RBFOX3: variants seen among roughly 807,000 people sequenced by gnomAD.
RBFOX3 encodes RNA binding protein fox-1 homolog 3.
RBFOX3 carries 17 observed loss-of-function variants against 48.7 expected under a neutral mutation model. The observed-to-expected ratio is 0.35, with a 90% CI of 0.24 to 0.52. RBFOX3 has a LOEUF of 0.52. RBFOX3 is among the 20% of genes least tolerant of loss of function. The probability of loss-of-function intolerance (pLI) is 0.94; values close to 1 mark genes in which losing one functional copy is unlikely to be tolerated. For synonymous variants in RBFOX3, 212 were observed against 209.5 expected, an observed-to-expected ratio of 1.01 and a Z score of -0.10; for missense variants, 382 against 497.5, an observed-to-expected ratio of 0.77 and a Z score of 2.21.
intron 2 of RBFOX3, among the ~76,000 whole-genome samples, chr17:79,474,912 A>G (rs913250864): frequency 5.9e-4 from 89 of 151,542 alleles, no homozygotes; most frequent in Non-Finnish European, 9.4e-4. Flanking sequence ...TTTCCTTCCA[A>G]TTCATTCCTT....
chr17:79,405,125 C>A (rs1352141591), intron 2 of RBFOX3, among the ~76,000 whole-genome samples: 1 of 152,148 alleles, frequency 6.6e-6, no homozygotes, highest in African/African-American at 2.4e-5. Flanking sequence ...CTGATTTTCC[C>A]CCAACATTTT....
intron 4 of RBFOX3, among the ~76,000 whole-genome samples, chr17:79,225,198 G>C (rs2060170618): frequency 6.6e-6 from 1 of 151,738 alleles, no homozygotes; most frequent in Non-Finnish European, 1.5e-5. Context: ...TCCCTCTTTG[G>C]AAAGTTCGGC....
upstream of RBFOX3, among the ~76,000 whole-genome samples, chr17:79,611,138 C>T (rs1308232877): frequency 7.8e-5 from 2 of 25,800 alleles, no homozygotes; most frequent in Non-Finnish European, 1.1e-4. Flanking sequence ...CCTTCTCTCT[C>T]TCTCTCTCTC....
chr17:79,411,738 T>C (rs2064373780), intron 2 of RBFOX3, among the ~76,000 whole-genome samples: 1 of 152,244 alleles, frequency 6.6e-6, no homozygotes, highest in South Asian at 2.1e-4. Context: ...GCAATGGTTG[T>C]TCTAGAGCAC....
At chr17:79,446,267 C>G (rs552891300) in intron 2 of RBFOX3, among the ~76,000 whole-genome samples, 2 of 152,170 alleles carry the variant, frequency 1.3e-5, no homozygotes, top group Admixed American at 6.5e-5. Flanking sequence ...GGATTCCACA[C>G]GTCCAAAAAT....
chr17:79,132,622 G>C (rs866235197), intron 4 of RBFOX3: 56 of 152,310 alleles, frequency 3.7e-4, no homozygotes, highest in African/African-American at 1.3e-3. Flanking sequence ...AGGGTGTCGC[G>C]GTCCTCTCTC....
intron 3 of RBFOX3, among the ~76,000 whole-genome samples, chr17:79,257,902 G>GA (rs577971400): frequency 1.3e-4 from 20 of 149,642 alleles, no homozygotes; most frequent in Admixed American, 8.6e-4. Flanking sequence ...TTTGTTTTGG[G>GA]AAAAAAAAAT....
intron 2 of RBFOX3, among the ~76,000 whole-genome samples, chr17:79,339,205 C>A (rs983821280): frequency 6.6e-6 from 1 of 152,082 alleles, no homozygotes; most frequent in East Asian, 1.9e-4. Context: ...CAGGCATGCA[C>A]CACCACACTC....
At chr17:79,478,158 T>C (rs1193994929) in intron 2 of RBFOX3, among the ~76,000 whole-genome samples, 1 of 152,202 alleles carries the variant, frequency 6.6e-6, no homozygotes, top group Non-Finnish European at 1.5e-5. Flanking sequence ...AAGGGTGCCA[T>C]GCTCCCCGTG....
chr17:79,143,691 G>A lies in RBFOX3; in HGVS notation c.-33-27943C>T, dbSNP rs566617211. Among the ~76,000 whole-genome samples the A allele has an allele frequency of 6.6e-5, 10 of 152,274 alleles. No homozygotes were observed. In the East Asian group the frequency reaches 9.6e-4, roughly 15 times the overall value. ...AGGGACAGGAACGGGGTAGGGGACC[G>A]TCGTCCTCCAGCACAGGCCCCCACA... On this transcript the variant is annotated intron_variant, in intron 4 of 14. Coordinates refer to ENST00000693108, the MANE Select transcript of RBFOX3 (RefSeq NM_001350451.2).
At chr17:79,648,586 C>A in the RBFOX3 span, among the ~76,000 whole-genome samples, 2 of 152,230 alleles carry the variant, frequency 1.3e-5, no homozygotes, top group African/African-American at 2.4e-5. Flanking sequence ...ACTCTGTCAT[C>A]CCTCCACAGG....
chr17:79,112,766 C>T (rs541494747), intron 5 of RBFOX3, among the ~76,000 whole-genome samples: 1 of 152,038 alleles, frequency 6.6e-6, no homozygotes, highest in Non-Finnish European at 1.5e-5. Context: ...GCCAGGGCAG[C>T]CCATGCTCAC....
intron 2 of RBFOX3, among the ~76,000 whole-genome samples, chr17:79,410,316 G>C (rs2064126645): frequency 6.6e-6 from 1 of 152,194 alleles, no homozygotes; most frequent in Admixed American, 6.5e-5. Context: ...TTTCAGGCTG[G>C]TTCTCGTCTC....
intron 2 of RBFOX3, among the ~76,000 whole-genome samples, chr17:79,344,175 C>T (rs1014321724): frequency 6.6e-6 from 1 of 152,108 alleles, no homozygotes; most frequent in Non-Finnish European, 1.5e-5. Context: ...GTTCTATGTC[C>T]CGGGTCCTGA....
At chr17:79,168,622 G>A (rs952450641) in intron 4 of RBFOX3, among the ~76,000 whole-genome samples, 3 of 152,192 alleles carry the variant, frequency 2.0e-5, no homozygotes, top group Non-Finnish European at 2.9e-5. Context: ...AGGTGTGGGC[G>A]GCCTGGCCCG....
intron 1 of RBFOX3, among the ~76,000 whole-genome samples, chr17:79,577,419 CA>C (rs1276637235): frequency 6.6e-6 from 1 of 152,092 alleles, no homozygotes; most frequent in Admixed American, 6.5e-5. Context: ...CTCAATTCGG[CA>C]GGGGAAATGC....
At chr17:79,573,254 A>G (rs2092740516) in intron 1 of RBFOX3, among the ~76,000 whole-genome samples, 1 of 152,174 alleles carries the variant, frequency 6.6e-6, no homozygotes, top group African/African-American at 2.4e-5. Flanking sequence ...AGACAGATGA[A>G]AAGGAGAGAA....
chr17:79,611,296 A>T (rs1189172862), upstream of RBFOX3, among the ~76,000 whole-genome samples: 4 of 137,076 alleles, frequency 2.9e-5, no homozygotes, highest in South Asian at 2.1e-4. Flanking sequence ...GCTCGAGCGG[A>T]GCGCGCAGCG....
intron 4 of RBFOX3, among the ~76,000 whole-genome samples, chr17:79,167,194 A>G (rs2145570902): frequency 6.6e-6 from 1 of 152,316 alleles, no homozygotes; most frequent in South Asian, 2.1e-4. Context: ...AGACTTCCAG[A>G]CAGTGCCAGG....
Sources: gnomAD v4.1 joint callset for allele counts (sites outside exome capture counted in the v4.1 genomes callset) on GRCh38, gnomAD v4.1.1 for gene constraint, MANE v1.5 for transcripts, NCBI Gene and HGNC (gene_info 2026-07-23, HGNC 2026-07-21) for gene names.